Variants in STXBP5L observed in about 807,000 individuals in gnomAD.
STXBP5L encodes syntaxin-binding protein 5-like.
STXBP5L carries 65 observed loss-of-function variants against 144.5 expected under a neutral mutation model. The observed-to-expected ratio is 0.45, with a 90% CI of 0.37 to 0.55. The LOEUF is 0.55. Among genes scored for constraint, STXBP5L ranks in the 20% least tolerant of loss-of-function variants. The pLI is 0.00. For missense variants in STXBP5L, 1,298 were observed against 1,405.5 expected, an observed-to-expected ratio of 0.92 and a Z score of 1.22; for synonymous variants, 505 against 469.6, an observed-to-expected ratio of 1.08 and a Z score of -0.97.
intron 20 of STXBP5L, chr3:121,324,559 A>C: frequency 1.4e-6 from 1 of 696,538 alleles, no homozygotes; most frequent in Non-Finnish European, 2.6e-6. Context: ...GCTATGAGAC[A>C]GAGGAATCAA....
At chr3:120,962,290 A>G (rs1391617463) in intron 3 of STXBP5L, among the ~76,000 whole-genome samples, 2 of 151,946 alleles carry the variant, frequency 1.3e-5, no homozygotes, top group East Asian at 3.9e-4. Context: ...ATTAGATCCC[A>G]TTTGTCAATT....
chr3:121,260,731 T>G (rs973792126), intron 18 of STXBP5L, among the ~76,000 whole-genome samples: 1 of 152,170 alleles, frequency 6.6e-6, no homozygotes, highest in African/African-American at 2.4e-5. Context: ...TCACTTTTAT[T>G]TCTGTACTTC....
chr3:121,075,257 T>C (rs920445044), intron 5 of STXBP5L, among the ~76,000 whole-genome samples: 15 of 152,138 alleles, frequency 9.9e-5, no homozygotes, highest in African/African-American at 3.6e-4. Context: ...TCTGCTTGCA[T>C]TTCACACATT....
In STXBP5L at chr3:121,419,741, C is replaced by T. The variant is rs1354112093; in HGVS notation, c.*644C>T. 1 of 152,230 alleles carries T rather than the reference C, an allele frequency of 6.6e-6. No homozygotes were observed. The highest frequency in any genetic ancestry group is 1.5e-5 in the Non-Finnish European group (1 of 68,046). 9.4% of individuals were successfully genotyped at this position (152,230 alleles called of 1,614,324 possible). On this transcript the variant is annotated 3_prime_UTR_variant, in exon 27 of 27. Coordinates refer to ENST00000471454, the MANE Select transcript of STXBP5L (RefSeq NM_001308330.2). ...ATTAATGTTCTCTCTCCATGTTTTA[C>T]ATCATTCACAGTTGTGTCAAAATCA...
chr3:121,134,013 C>A (rs1488192087), intron 7 of STXBP5L, among the ~76,000 whole-genome samples: 1 of 152,178 alleles, frequency 6.6e-6, no homozygotes, highest in Admixed American at 6.5e-5. Flanking sequence ...GGTGGGGACA[C>A]AGAGCCAAAC....
chr3:121,215,549 G>A (rs755089490), intron 10 of STXBP5L, among the ~76,000 whole-genome samples: 1 of 151,078 alleles, frequency 6.6e-6, no homozygotes, highest in Non-Finnish European at 1.5e-5. Context: ...TTTATGGCTT[G>A]TAGGGTTTCT....
Position 120,991,512 on chromosome 3 carries a change from C to T in STXBP5L, c.287+36475C>T, listed in dbSNP as rs188664841. Reference sequence around the variant, plus strand: ...ACCCAAAGGATTATAAATCATGCTACTATAAAGACACATGCACATGTATGT... The same window carrying T: ...ACCCAAAGGATTATAAATCATGCTATTATAAAGACACATGCACATGTATGT... On this transcript the variant is annotated intron_variant, in intron 3 of 26. Transcript: ENST00000471454. Among the ~76,000 whole-genome samples the T allele has an allele frequency of 2.2e-3, 329 of 152,332 alleles. 1 individual carries two copies. The highest frequency in any genetic ancestry group is 7.1e-3 in the African/African-American group (297 of 41,578).
intron 20 of STXBP5L, among the ~76,000 whole-genome samples, chr3:121,368,517 C>T (rs779843318): frequency 6.6e-6 from 1 of 151,750 alleles, no homozygotes; most frequent in African/African-American, 2.4e-5. Flanking sequence ...TTCAATGGGC[C>T]ATCCTTCCCT....
At chr3:121,003,389 T>A (rs1943960122) in intron 3 of STXBP5L, among the ~76,000 whole-genome samples, 1 of 152,242 alleles carries the variant, frequency 6.6e-6, no homozygotes, top group Non-Finnish European at 1.5e-5. Flanking sequence ...CTTTGCTCAC[T>A]TTTTAATGGG....
rs1027568620 is a variant in STXBP5L at position 121,343,291 on chromosome 3, G to A, written c.2176+24751G>A. Among the ~76,000 whole-genome samples the A allele has an allele frequency of 3.0e-4, 46 of 152,110 alleles. 1 individual carries two copies. Among genetic ancestry groups the A allele is most frequent in the African/African-American group, 9.9e-4 (41 of 41,480 alleles). On this transcript the variant is annotated intron_variant, in intron 20 of 26. Coordinates refer to ENST00000471454, the MANE Select transcript of STXBP5L (RefSeq NM_001308330.2). The stretch of plus-strand genomic sequence containing the variant: ...GCGAAAATTTTCTCCCATTTTGTAG[G>A]TTGGCTGTTCACTCTGATGGTAGTT...
intron 9 of STXBP5L, among the ~76,000 whole-genome samples, chr3:121,173,345 A>ATAATAATAATAAT (rs1427211031): frequency 6.7e-6 from 1 of 150,310 alleles, no homozygotes; most frequent in Non-Finnish European, 1.5e-5. Flanking sequence ...AATAATAATA[A>ATAATAATAATAAT]TAATAATGAT....
chr3:121,326,225 A>C (rs940205255), intron 20 of STXBP5L, among the ~76,000 whole-genome samples: 6 of 152,022 alleles, frequency 3.9e-5, no homozygotes, highest in Non-Finnish European at 7.4e-5. Context: ...ATTCTAATAA[A>C]AAATACCTCT....
intron 5 of STXBP5L, among the ~76,000 whole-genome samples, chr3:121,097,705 C>A (rs1228503587): frequency 6.6e-6 from 1 of 152,154 alleles, no homozygotes; most frequent in Non-Finnish European, 1.5e-5. Context: ...GCAGAAATCA[C>A]CCACCTTCTG....
intron 3 of STXBP5L, among the ~76,000 whole-genome samples, chr3:120,987,853 G>A (rs748726845): frequency 6.6e-6 from 1 of 151,580 alleles, no homozygotes. Context: ...TTGCTTTCTG[G>A]AAGTTTTTGT....
intron 5 of STXBP5L, among the ~76,000 whole-genome samples, chr3:121,060,388 A>C (rs1040292626): frequency 6.6e-6 from 1 of 152,070 alleles, no homozygotes; most frequent in African/African-American, 2.4e-5. Context: ...ATTTTATTGA[A>C]GATTTTCACA....
intron 5 of STXBP5L, among the ~76,000 whole-genome samples, chr3:121,114,464 C>A (rs145228030): frequency 2.0e-5 from 3 of 151,678 alleles, no homozygotes; most frequent in East Asian, 3.9e-4. Flanking sequence ...ATTAAGTTTA[C>A]GAAATATAAT....
At chr3:121,091,687 A>T (rs1381287440) in intron 5 of STXBP5L, among the ~76,000 whole-genome samples, 1 of 152,070 alleles carries the variant, frequency 6.6e-6, no homozygotes, top group Non-Finnish European at 1.5e-5. Flanking sequence ...CCTTTGTCAG[A>T]TGAGTAGGTT....
intron 18 of STXBP5L, among the ~76,000 whole-genome samples, chr3:121,264,828 C>CA (rs1410259324): frequency 5.3e-4 from 77 of 145,760 alleles, no homozygotes; most frequent in African/African-American, 1.6e-3. Flanking sequence ...AAAAAGATTG[C>CA]AATCTTAGTC....
At chr3:121,227,679 C>A (rs565908815) in intron 11 of STXBP5L, among the ~76,000 whole-genome samples, 1 of 151,982 alleles carries the variant, frequency 6.6e-6, no homozygotes, top group African/African-American at 2.4e-5. Context: ...ATGACAAAAA[C>A]CCAGAACAAT....
Sources: gnomAD v4.1 joint callset for allele counts (sites outside exome capture counted in the v4.1 genomes callset) on GRCh38, gnomAD v4.1.1 for gene constraint, MANE v1.5 for transcripts, NCBI Gene and HGNC (gene_info 2026-07-23, HGNC 2026-07-21) for gene names.